Variants in BICDL1 observed in about 807,000 individuals in gnomAD.
The protein encoded by BICDL1 is BICD family-like cargo adapter 1.
Under a neutral mutation model 76.8 loss-of-function variants are expected in BICDL1, and 20 were observed. That is an observed-to-expected ratio of 0.26 (90% CI 0.18 to 0.38). The LOEUF is 0.38. Ranked by LOEUF, BICDL1 falls within the 10% of genes least tolerant of loss-of-function variation. The pLI, the probability that BICDL1 is intolerant of heterozygous loss-of-function variation, is 1.00. For synonymous variants in BICDL1, 383 were observed against 337.1 expected, an observed-to-expected ratio of 1.14 and a Z score of -1.49; for missense variants, 700 against 798.6, an observed-to-expected ratio of 0.88 and a Z score of 1.49.
At chr12:120,080,716 CT>C in intron 7 of BICDL1, 170 bp from the exon 8 acceptor site, 1 of 578,310 alleles carries the variant, frequency 1.7e-6, no homozygotes, top group Non-Finnish European at 2.9e-6. Flanking sequence ...GGTACCCTTT[CT>C]TCAAGAGAGA....
intron 2 of BICDL1, among the ~76,000 whole-genome samples, chr12:120,054,597 G>A (rs889616768): frequency 1.3e-5 from 2 of 152,264 alleles, no homozygotes; most frequent in East Asian, 1.9e-4. Context: ...ATTAATAATA[G>A]GCTGGGTGTG....
In BICDL1 at chr12:120,094,223, C is replaced by T. The variant is rs995062600; in HGVS notation, c.*1062C>T. Reference sequence around the variant, plus strand: ...CCCAGGCCCCAACTCAGAGGCTCCGCGGCCCGGCCAGCCCTCAGCTGCTCA... The same window carrying T: ...CCCAGGCCCCAACTCAGAGGCTCCGTGGCCCGGCCAGCCCTCAGCTGCTCA... On this transcript the variant is annotated 3_prime_UTR_variant, in exon 10 of 10. Coordinates refer to ENST00000548673, the MANE Select transcript of BICDL1 (RefSeq NM_001367886.1). 2.2e-5 allele frequency: 10 copies of T among 456,392 alleles called. No individual in the cohort carries two copies. The highest frequency in any genetic ancestry group is 3.5e-5 in the Non-Finnish European group (8 of 226,880). The allele number at this position is 456,392 out of a possible 1,614,324, so 28.3% of individuals were successfully genotyped here. A position where few individuals can be genotyped will look rare whatever the true frequency, so the allele number is the denominator to read the frequency against.
intron 3 of BICDL1, among the ~76,000 whole-genome samples, chr12:120,063,681 T>C (rs1336099165): frequency 1.3e-5 from 2 of 152,154 alleles, no homozygotes; most frequent in African/African-American, 4.8e-5. Context: ...CAAGAAAATA[T>C]TTACAAGCAA....
chr12:120,035,434 T>C (rs1952513131), intron 2 of BICDL1, among the ~76,000 whole-genome samples: 1 of 152,250 alleles, frequency 6.6e-6, no homozygotes, highest in Non-Finnish European at 1.5e-5. Context: ...GTTAACCCTA[T>C]GTGATACGTA....
intron 2 of BICDL1, among the ~76,000 whole-genome samples, chr12:120,006,024 C>T (rs1434820999): frequency 1.3e-5 from 2 of 152,086 alleles, no homozygotes; most frequent in African/African-American, 2.4e-5. Flanking sequence ...TCTATACTCT[C>T]CTCATATCTA....
chr12:120,011,882 C>G (rs1480835206), intron 2 of BICDL1, among the ~76,000 whole-genome samples: 1 of 152,298 alleles, frequency 6.6e-6, no homozygotes, highest in East Asian at 1.9e-4. Context: ...AGCCCATGTT[C>G]TGTCACTAAT....
chr12:120,017,815 A>G (rs1952096932), intron 2 of BICDL1, among the ~76,000 whole-genome samples: 1 of 152,212 alleles, frequency 6.6e-6, no homozygotes, highest in African/African-American at 2.4e-5. Context: ...AAGCAGTATG[A>G]TTTAATCGAG....
intron 2 of BICDL1, among the ~76,000 whole-genome samples, chr12:120,008,150 C>CTTTTTT (rs71072590): frequency 1.1e-4 from 7 of 61,716 alleles, no homozygotes; most frequent in Non-Finnish European, 1.7e-4. Context: ...ATTACTCTTT[C>CTTTTTT]TTTTTTTTTT....
chr12:120,084,846 C>T (rs922489376), intron 8 of BICDL1, among the ~76,000 whole-genome samples: 12 of 151,058 alleles, frequency 7.9e-5, no homozygotes, highest in Non-Finnish European at 1.8e-4. Context: ...GCTGAGATCA[C>T]GCCATTGCAC....
In BICDL1 at chr12:120,064,767, A is replaced by G; in HGVS notation, c.797A>G (p.Glu266Gly). 6.2e-7 allele frequency: 1 copy of G among 1,613,394 alleles called. No homozygotes were observed. The highest frequency in any genetic ancestry group is 8.5e-7 in the Non-Finnish European group (1 of 1,179,712). ...KMLSDRKREL[E>G]HRLSATLEEN... is the part of the protein sequence containing the mutation. ...CTGTCAGATCGGAAACGGGAGCTGG[A>G]GCATCGTCTCAGCGCTACTTTAGAG... Residue 266 changes from glutamate to glycine, a missense_variant, in exon 4 of 10, where the codon GAG becomes GGG. Physicochemically the swap from Glu to Gly is moderately conservative, Grantham distance 98. Coordinates refer to ENST00000548673, the MANE Select transcript of BICDL1 (RefSeq NM_001367886.1).
intron 2 of BICDL1, among the ~76,000 whole-genome samples, chr12:120,029,581 C>T (rs918707583): frequency 2.2e-4 from 34 of 152,152 alleles, no homozygotes. Context: ...TATGTTAGTA[C>T]ACTAAAAGCT....
chr12:120,092,307 C>T (rs923966714), intron 9 of BICDL1: 5 of 985,264 alleles, frequency 5.1e-6, no homozygotes, highest in Non-Finnish European at 6.0e-6. Flanking sequence ...TGAACGAATT[C>T]GAGTTGGGGG....
At chr12:120,058,619 C>G (rs1026313966) in intron 2 of BICDL1, among the ~76,000 whole-genome samples, 2 of 139,078 alleles carry the variant, frequency 1.4e-5, no homozygotes. Context: ...GAGACAGAGT[C>G]TTGCCCTGTG....
intron 2 of BICDL1, among the ~76,000 whole-genome samples, chr12:120,026,517 A>G (rs960778870): frequency 6.6e-6 from 1 of 152,222 alleles, no homozygotes; most frequent in African/African-American, 2.4e-5. Context: ...ATGGAACCGA[A>G]GGCTTTGCCA....
intron 2 of BICDL1, among the ~76,000 whole-genome samples, chr12:120,030,643 T>G (rs1952403025): frequency 6.6e-6 from 1 of 152,240 alleles, no homozygotes; most frequent in South Asian, 2.1e-4. Context: ...ACTGATGTTG[T>G]CTGGAACCCT....
rs1395209628 is a variant in BICDL1, at chr12:120,029,570, A to G, written c.645+30834A>G. On this transcript the variant is annotated intron_variant, in intron 2 of 9. Coordinates refer to ENST00000548673, the MANE Select transcript of BICDL1 (RefSeq NM_001367886.1). ...AATTGATCTCTTAAAGATTTGCAGT[A>G]TATGTTAGTACACTAAAAGCTTTTG... Among the ~76,000 whole-genome samples the G allele has an allele frequency of 4.6e-5, 7 of 152,322 alleles. No homozygotes were observed. The South Asian group carries it at 6.2e-4, about 14-fold the overall frequency.
At chr12:120,010,560 C>G (rs1161922014) in intron 2 of BICDL1, among the ~76,000 whole-genome samples, 1 of 152,206 alleles carries the variant, frequency 6.6e-6, no homozygotes, top group Non-Finnish European at 1.5e-5. Flanking sequence ...GGTTCTCAAA[C>G]TATTCTGAGG....
At position 120,072,731 on chromosome 12, in the gene BICDL1, T is replaced by TA; in HGVS notation, c.1308+4dup. On this transcript the variant is annotated splice_region_variant and intron_variant, in intron 6 of 9. Coordinates refer to ENST00000548673, the MANE Select transcript of BICDL1 (RefSeq NM_001367886.1). ...ATTGTGGATGGCATGGAGCCCACGG[T>TA]AAGAGGCCAGTCTGAGATGGTCCTT... is the stretch of plus-strand genomic sequence containing the variant. The TA allele has an allele frequency of 1.2e-6, 2 of 1,610,762 alleles. No homozygotes were observed. Among genetic ancestry groups the TA allele is most frequent in the Non-Finnish European group, 1.7e-6 (2 of 1,179,380 alleles).
chr12:120,022,999 G>A (rs938697885), intron 2 of BICDL1, among the ~76,000 whole-genome samples: 1 of 152,216 alleles, frequency 6.6e-6, no homozygotes, highest in African/African-American at 2.4e-5. Flanking sequence ...ATTCAGGACT[G>A]GGGATTTGAT....
Sources: gnomAD v4.1 joint callset for allele counts (sites outside exome capture counted in the v4.1 genomes callset) on GRCh38, gnomAD v4.1.1 for gene constraint, MANE v1.5 for transcripts, NCBI Gene and HGNC (gene_info 2026-07-23, HGNC 2026-07-21) for gene names.